LRP1B: variants seen among roughly 807,000 people sequenced by gnomAD.
LRP1B encodes the protein low-density lipoprotein receptor-related protein 1B.
A neutral mutation model predicts 556.6 loss-of-function variants in LRP1B; 217 were observed. That is an observed-to-expected ratio of 0.39 (90% CI 0.35 to 0.44). The LOEUF is 0.44. LRP1B is among the 20% of genes least tolerant of loss of function. The probability of loss-of-function intolerance (pLI) is 1.00; values close to 1 mark genes in which losing one functional copy is unlikely to be tolerated. For missense variants in LRP1B, 5,053 were observed against 5,620.8 expected (o/e 0.90, Z 3.23); for synonymous variants, 2,047 against 1,865.8 (o/e 1.10, Z -2.50).
intron 2 of LRP1B, among the ~76,000 whole-genome samples, chr2:141,628,766 G>A (rs1396916302): frequency 2.0e-5 from 3 of 151,840 alleles, no homozygotes; most frequent in Non-Finnish European, 2.9e-5. Flanking sequence ...TCCCACCAAA[G>A]CCTCCTGAGT....
In LRP1B at chr2:140,533,224, C is replaced by CATAT. The variant is rs146121105; in HGVS notation, c.7762+793_7762+796dup. 5.7e-3 allele frequency among the ~76,000 whole-genome samples: 869 copies of CATAT among 151,792 alleles called. 7 individuals carry two copies. Among genetic ancestry groups the CATAT allele is most frequent in the African/African-American group, 0.02 (824 of 41,414 alleles). Reference sequence around the variant, plus strand: ...AAAGTTTCTTTATCAATGCAATATACATATATATATAAAAGCCAGTGCTAA... The same window carrying CATAT: ...AAAGTTTCTTTATCAATGCAATATACATATATATATATATAAAAGCCAGTGCTAA... On this transcript the variant is annotated intron_variant, in intron 47 of 90. Coordinates refer to ENST00000389484, the MANE Select transcript of LRP1B (RefSeq NM_018557.3).
intron 82 of LRP1B, among the ~76,000 whole-genome samples, chr2:140,316,925 G>A (rs1217917662): frequency 6.6e-6 from 1 of 152,184 alleles, no homozygotes; most frequent in Admixed American, 6.5e-5. Flanking sequence ...TTCAACAGGC[G>A]ATTGATATGT....
At chr2:140,410,459 C>T (rs1684925106) in intron 66 of LRP1B, among the ~76,000 whole-genome samples, 2 of 151,982 alleles carry the variant, frequency 1.3e-5, no homozygotes, top group Non-Finnish European at 2.9e-5. Flanking sequence ...TCTTTATTCA[C>T]CTTTTAATAA....
At chr2:141,694,482 A>G (rs1364389834) in intron 2 of LRP1B, among the ~76,000 whole-genome samples, 1 of 151,950 alleles carries the variant, frequency 6.6e-6, no homozygotes, top group Admixed American at 6.6e-5. Flanking sequence ...CATCCCAACA[A>G]TCACTCTTAT....
chr2:141,792,459 A>T (rs1419439234), intron 2 of LRP1B, among the ~76,000 whole-genome samples: 2 of 152,030 alleles, frequency 1.3e-5, no homozygotes, highest in Non-Finnish European at 2.9e-5. Flanking sequence ...ATGAAAAATT[A>T]CCAGTGAAAG....
intron 33 of LRP1B, among the ~76,000 whole-genome samples, chr2:140,772,371 G>A (rs1689343513): frequency 6.6e-6 from 1 of 151,982 alleles, no homozygotes; most frequent in Admixed American, 6.6e-5. Context: ...GTGCAGTGGT[G>A]CAATCTTGGC....
chr2:141,647,796 G>A lies in LRP1B; in HGVS notation c.205+162483C>T, dbSNP rs969803088. Among the ~76,000 whole-genome samples the A allele has an allele frequency of 2.0e-5, 3 of 149,794 alleles. No homozygotes were observed. In the East Asian group the frequency reaches 5.8e-4, roughly 29 times the overall value. On this transcript the variant is annotated intron_variant, in intron 2 of 90. Coordinates refer to ENST00000389484, the MANE Select transcript of LRP1B (RefSeq NM_018557.3). ...TAACAGTCTAATATTTTTGTTCAGGGAAAAAGTTTGAATTCTGCAATAAAA... is the reference window on the plus strand; with the variant it reads ...TAACAGTCTAATATTTTTGTTCAGGAAAAAAGTTTGAATTCTGCAATAAAA...
chr2:140,496,360 T>C (rs72899882), intron 55 of LRP1B, among the ~76,000 whole-genome samples: 6,348 of 152,220 alleles, frequency 0.042, 183 homozygotes, highest in Non-Finnish European at 0.062. Flanking sequence ...GTAGGAGATC[T>C]TGTACACACT....
chr2:140,930,827 T>C (rs1430043725), intron 20 of LRP1B, among the ~76,000 whole-genome samples: 1 of 152,122 alleles, frequency 6.6e-6, no homozygotes, highest in East Asian at 1.9e-4. Flanking sequence ...TAATAATTCC[T>C]GCACTTAAGG....
chr2:140,330,910 A>G (rs1680776539), intron 79 of LRP1B, among the ~76,000 whole-genome samples: 1 of 152,136 alleles, frequency 6.6e-6, no homozygotes, highest in Non-Finnish European at 1.5e-5. Flanking sequence ...AAAGGACAAG[A>G]ACAGACACTT....
At chr2:142,040,855 T>C (rs543326959) in intron 1 of LRP1B, among the ~76,000 whole-genome samples, 2 of 151,450 alleles carry the variant, frequency 1.3e-5, no homozygotes, top group South Asian at 2.1e-4. Context: ...TTGTAGCTAA[T>C]TGACAGCCAA....
intron 3 of LRP1B, among the ~76,000 whole-genome samples, chr2:141,430,958 G>A (rs1680537732): frequency 6.6e-6 from 1 of 151,670 alleles, no homozygotes; most frequent in Admixed American, 6.6e-5. Context: ...AGTGAGATCT[G>A]GTCTCTACAA....
At chr2:140,744,004 A>G (rs570021654) in intron 35 of LRP1B, among the ~76,000 whole-genome samples, 1 of 137,870 alleles carries the variant, frequency 7.3e-6, no homozygotes, top group East Asian at 2.2e-4. Flanking sequence ...AAAAAGTAAA[A>G]TCCATAGACA....
At chr2:141,644,118 C>T (rs571901419) in intron 2 of LRP1B, among the ~76,000 whole-genome samples, 62 of 150,996 alleles carry the variant, frequency 4.1e-4, no homozygotes, top group African/African-American at 1.4e-3. Flanking sequence ...ATTCCAAAAC[C>T]CTTTTCCCCC....
chr2:141,066,557 T>C (rs1365651612), intron 7 of LRP1B, among the ~76,000 whole-genome samples: 1 of 151,924 alleles, frequency 6.6e-6, no homozygotes, highest in East Asian at 1.9e-4. Context: ...AAGAATTGCT[T>C]TTGCCAGTGA....
chr2:141,547,247 T>C (rs1685585949), intron 2 of LRP1B, among the ~76,000 whole-genome samples: 1 of 152,180 alleles, frequency 6.6e-6, no homozygotes. Context: ...CTACACATGC[T>C]TTCACCTCTA....
chr2:141,069,481 T>C (rs1699575798), intron 7 of LRP1B, among the ~76,000 whole-genome samples: 1 of 152,116 alleles, frequency 6.6e-6, no homozygotes, highest in Non-Finnish European at 1.5e-5. Context: ...TGTCATTGTC[T>C]GAGGTGGAGT....
At chr2:141,417,392 T>C (rs1350871694) in intron 3 of LRP1B, among the ~76,000 whole-genome samples, 1 of 152,112 alleles carries the variant, frequency 6.6e-6, no homozygotes, top group Admixed American at 6.5e-5. Context: ...TATTTCTCTG[T>C]CCTCCCATCC....
intron 2 of LRP1B, among the ~76,000 whole-genome samples, chr2:141,594,315 A>G (rs1182494723): frequency 1.3e-5 from 2 of 152,182 alleles, no homozygotes; most frequent in African/African-American, 4.8e-5. Context: ...AGGTGCAGAA[A>G]GACCACAACA....
Sources: gnomAD v4.1 joint callset for allele counts (sites outside exome capture counted in the v4.1 genomes callset) on GRCh38, gnomAD v4.1.1 for gene constraint, MANE v1.5 for transcripts, NCBI Gene and HGNC (gene_info 2026-07-23, HGNC 2026-07-21) for gene names.